The following TRIM39 variants were observed in gnomAD, a reference collection of about 807,000 sequenced individuals.
The protein encoded by TRIM39 is tripartite motif containing 39, also known as E3 ubiquitin-protein ligase TRIM39.
In TRIM39, 5 loss-of-function variants were observed where a neutral mutation model predicts 53.6. That is an observed-to-expected ratio of 0.09 (90% CI 0.05 to 0.20). The LOEUF (loss-of-function observed/expected upper bound fraction) is 0.20. Ranked by LOEUF, TRIM39 falls within the 10% of genes least tolerant of loss-of-function variation. TRIM39 has a pLI of 1.00. For synonymous variants in TRIM39, 196 were observed against 237.6 expected, an observed-to-expected ratio of 0.82 and a Z score of 1.61; for missense variants, 310 against 621.0, an observed-to-expected ratio of 0.50 and a Z score of 5.32.
In TRIM39 at chr6:30,335,899, A is replaced by T; in HGVS notation, c.704A>T (p.Asp235Val). 1.2e-6 allele frequency: 2 copies of T among 1,612,684 alleles called. No individual in the cohort carries two copies. The highest frequency in any genetic ancestry group is 1.7e-6 in the Non-Finnish European group (2 of 1,179,950). The change falls in exon 5 of 8, where the codon GAC (aspartate) becomes GTC (valine). Residue 235 changes from aspartate (D) to valine (V), a missense_variant. Around this residue, in one of 5 missense-constraint regions of TRIM39, gnomAD observed 161 missense variants for 210.0 expected, o/e 0.77. Coordinates refer to ENST00000396551, the Ensembl canonical transcript of TRIM39. This position sits in a 1 kb window ranked among gnomAD's most constrained non-coding sequence, Gnocchi z 4.7. Reference sequence around the variant, plus strand: ...CGAGAAAATGCTGCTCACCTTGGGGACAAGCGCCGGGACCTGGCCCACTTG... The same window carrying T: ...CGAGAAAATGCTGCTCACCTTGGGGTCAAGCGCCGGGACCTGGCCCACTTG...
Position 30,327,552 on chromosome 6 carries a change from G to T in TRIM39, c.-161+557G>T, listed in dbSNP as rs1459686807. ...GAGTAGAGGAAGAGGAAGGACTAAC[G>T]CAGAGGCACTCAAGGTCTCACTATG... On this transcript the variant is annotated intron_variant, in intron 1 of 7. Coordinates refer to ENST00000396551, the Ensembl canonical transcript of TRIM39. 3.3e-5 allele frequency: 5 copies of T among 152,394 alleles called. No individual in the cohort carries two copies. In the South Asian group the frequency reaches 1.0e-3, roughly 32 times the overall value. The allele number at this position is 152,394 out of a possible 1,614,324, so 9.4% of individuals were successfully genotyped here. A position where few individuals can be genotyped will look rare whatever the true frequency, so the allele number is the denominator to read the frequency against.
At position 30,335,827 on chromosome 6, in the gene TRIM39, T is replaced by C. The variant is rs1786784227; in HGVS notation, c.632T>C (p.Leu211Ser). ...CGGCTGGATGAAGAGCAGCAGGTGT[T>C]GCTTTCACGACTGGAAGAAGAGGAA... Residue 211 changes from leucine to serine, a missense_variant, in exon 5 of 8, where the codon TTG (leucine) becomes TCG (serine). Physicochemically the swap from Leu to Ser is moderately radical, Grantham distance 145. This residue lies in a region of TRIM39 where 161 missense variants were observed against 210.0 expected (regional missense o/e 0.77). Transcript: ENST00000396551. The surrounding 1 kb of genome is among the most constrained non-coding windows in gnomAD (Gnocchi z 4.7). 1 of 1,612,988 alleles carries C rather than the reference T, an allele frequency of 6.2e-7. No individual in the cohort carries two copies. The highest frequency in any genetic ancestry group is 1.3e-5 in the African/African-American group (1 of 75,014).
chr6:30,330,743 C>T, intron 3 of TRIM39, 38 bp from the exon 4 acceptor site: 1 of 1,609,586 alleles, frequency 6.2e-7, no homozygotes, highest in South Asian at 1.1e-5. Context: ...CCAGTCAACC[C>T]CAAATGTCAC....
rs1786759442 is a variant in TRIM39 at position 30,335,627 on chromosome 6, T to A, written c.550-118T>A. 6 of 1,366,612 alleles carry A rather than the reference T, an allele frequency of 4.4e-6. No individual in the cohort carries two copies. In the South Asian group the frequency reaches 7.4e-5, roughly 17 times the overall value. The allele number at this position is 1,366,612 out of a possible 1,614,324, so 84.7% of individuals were successfully genotyped here. ...CATGTGTCACCACACCCAGCCTTTG[T>A]TAAACCATTTTCAATGAAACTGGAA... On this transcript the variant is annotated intron_variant, in intron 4 of 7. Coordinates refer to ENST00000396551, the Ensembl canonical transcript of TRIM39. The surrounding 1 kb of genome is among the most constrained non-coding windows in gnomAD (Gnocchi z 4.7).
At chr6:30,329,792 G>A (rs1041906983) in intron 3 of TRIM39, 22 bp downstream of exon 3, 3 of 1,601,600 alleles carry the variant, frequency 1.9e-6, no homozygotes, top group Admixed American at 1.7e-5. Context: ...GACACACGAT[G>A]TCAGTGTGGG....
chr6:30,340,477 TC>T (rs748534915), intron 6 of TRIM39, 27 bp from the exon 7 acceptor site: 2 of 1,612,944 alleles, frequency 1.2e-6, no homozygotes, highest in Non-Finnish European at 1.7e-6. Context: ...CCCTGCCCTT[TC>T]TTCCCCTATC....
chr6:30,328,942 A>G lies in TRIM39; in HGVS notation c.-107A>G, dbSNP rs574194673. ...GTCAAACGAGGATACAGTGTCTGGA[A>G]CTATTGGTTCTAAGATATAAGTGGA... On this transcript the variant is annotated 5_prime_UTR_variant, in exon 2 of 8. Coordinates refer to ENST00000396551, the Ensembl canonical transcript of TRIM39. The G allele has an allele frequency of 1.8e-5, 4 of 216,262 alleles. No homozygotes were observed. The South Asian group carries it at 3.6e-4, about 20-fold the overall frequency. 13.4% of individuals were successfully genotyped at this position (216,262 alleles called of 1,614,324 possible). A position where few individuals can be genotyped will look rare whatever the true frequency, so the allele number is the denominator to read the frequency against.
intron 4 of TRIM39, among the ~76,000 whole-genome samples, chr6:30,332,359 A>G (rs1161615298): frequency 6.6e-6 from 1 of 152,252 alleles, no homozygotes; most frequent in African/African-American, 2.4e-5. Context: ...ATAAGAAGAC[A>G]ACATAGAAAT....
intron 6 of TRIM39, chr6:30,340,258 T>G: frequency 1.2e-6 from 2 of 1,610,600 alleles, no homozygotes; most frequent in Non-Finnish European, 1.7e-6. Context: ...ATCATCCATT[T>G]GCATGAAATA....
At position 30,338,707 on chromosome 6, in the gene TRIM39, G is replaced by C. The variant is rs1787147317; in HGVS notation, c.781-1201G>C. On this transcript the variant is annotated intron_variant, in intron 5 of 7. Transcript: ENST00000396551. This position sits in a 1 kb window ranked among gnomAD's most constrained non-coding sequence, Gnocchi z 4.0. ...TGGAAAACATGGTGCCAGTAGACTTGCTCAACACAGGTTGCCACAAACCAT... is the reference window on the plus strand; with the variant it reads ...TGGAAAACATGGTGCCAGTAGACTTCCTCAACACAGGTTGCCACAAACCAT... Among the ~76,000 whole-genome samples, 1 of 151,586 alleles carries C rather than the reference G, an allele frequency of 6.6e-6. No homozygotes were observed. Among genetic ancestry groups the C allele is most frequent in the African/African-American group, 2.4e-5 (1 of 41,196 alleles).
At position 30,335,907 on chromosome 6, in the gene TRIM39, C is replaced by A. The variant is rs1428383761; in HGVS notation, c.712C>A (p.Arg238=). Residue 238 remains arginine (R), a synonymous_variant, in exon 5 of 8, where the codon CGG becomes AGG. Transcript: ENST00000396551. The surrounding 1 kb of genome is among the most constrained non-coding windows in gnomAD (Gnocchi z 4.7). ...TGCTGCTCACCTTGGGGACAAGCGC[C>A]GGGACCTGGCCCACTTGGCTGCCGA... 2 of 1,612,866 alleles carry A rather than the reference C, an allele frequency of 1.2e-6. No individual in the cohort carries two copies. Among genetic ancestry groups the A allele is most frequent in the Non-Finnish European group, 1.7e-6 (2 of 1,180,010 alleles).
intron 3 of TRIM39, 88 bp downstream of exon 3, chr6:30,329,858 C>G (rs558690766): frequency 6.7e-7 from 1 of 1,484,362 alleles, no homozygotes; most frequent in Non-Finnish European, 9.0e-7. Flanking sequence ...ATCGTAAGCT[C>G]CTACTACTCA....
At chr6:30,340,378 G>A (rs1787363803) in intron 6 of TRIM39, 127 bp from the exon 7 acceptor site, 1 of 1,611,870 alleles carries the variant, frequency 6.2e-7, no homozygotes, top group Non-Finnish European at 8.5e-7. Flanking sequence ...TTTTCAGGGA[G>A]GAGGAAGAAA....
At position 30,339,023 on chromosome 6, in the gene TRIM39, A is replaced by C. The variant is rs1465602503; in HGVS notation, c.781-885A>C. Among the ~76,000 whole-genome samples the C allele has an allele frequency of 6.6e-6, 1 of 152,106 alleles. No homozygotes were observed. The highest frequency in any genetic ancestry group is 2.4e-5 in the African/African-American group (1 of 41,416). ...TTGGTATTTGTTCCTATGGCCTTTC[A>C]TGTATGTGTGTTCTGCCTTCCATAT... On this transcript the variant is annotated intron_variant, in intron 5 of 7. Transcript: ENST00000396551. The surrounding 1 kb of genome is among the most constrained non-coding windows in gnomAD (Gnocchi z 4.2).
chr6:30,337,901 C>CT (rs993692189), intron 5 of TRIM39, among the ~76,000 whole-genome samples: 2 of 152,220 alleles, frequency 1.3e-5, no homozygotes, highest in Admixed American at 1.3e-4. Flanking sequence ...TTGGCAAGAT[C>CT]TTCTGGATAA....
chr6:30,342,036 C>T lies in TRIM39; in HGVS notation c.1244C>T (p.Pro415Leu). 1 of 1,613,070 alleles carries T rather than the reference C, an allele frequency of 6.2e-7. No homozygotes were observed. Among genetic ancestry groups the T allele is most frequent in the Non-Finnish European group, 8.5e-7 (1 of 1,180,022 alleles). The change falls in exon 8 of 8, where the codon CCT (proline) becomes CTT (leucine). Residue 415 changes from proline to leucine, a missense_variant. Around this residue, in one of 5 missense-constraint regions of TRIM39, gnomAD observed 75 missense variants for 244.8 expected, o/e 0.31. Coordinates refer to ENST00000396551, the Ensembl canonical transcript of TRIM39. The surrounding 1 kb of genome is among the most constrained non-coding windows in gnomAD (Gnocchi z 4.7). ...GACAAATATGCAGCCACCACCACACCTTTTACCCCTTTGCACATCAAGGTG... is the reference window on the plus strand; with the variant it reads ...GACAAATATGCAGCCACCACCACACTTTTTACCCCTTTGCACATCAAGGTG...
Position 30,342,407 on chromosome 6 carries a change from G to T in TRIM39, c.*148G>T. ...ACCTTGGTTTCTAGGATGGTTTTGT[G>T]TGGAGGGGGAGGTAGGACTGGGCTG... On this transcript the variant is annotated 3_prime_UTR_variant, in exon 8 of 8. Coordinates refer to ENST00000396551, the Ensembl canonical transcript of TRIM39. The surrounding 1 kb of genome is among the most constrained non-coding windows in gnomAD (Gnocchi z 4.7). 1.2e-6 allele frequency: 1 copy of T among 814,322 alleles called. No homozygotes were observed. Among genetic ancestry groups the T allele is most frequent in the Non-Finnish European group, 1.9e-6 (1 of 518,530 alleles). 50.4% of individuals were successfully genotyped at this position (814,322 alleles called of 1,614,324 possible).
At chr6:30,337,365 G>A (rs1236170438) in intron 5 of TRIM39, among the ~76,000 whole-genome samples, 7 of 151,772 alleles carry the variant, frequency 4.6e-5, no homozygotes, top group Non-Finnish European at 1.5e-5. Context: ...AGATCATGCA[G>A]TTGCACTCCT....
chr6:30,333,627 C>T (rs1786491744), intron 4 of TRIM39, among the ~76,000 whole-genome samples: 1 of 151,904 alleles, frequency 6.6e-6, no homozygotes, highest in Non-Finnish European at 1.5e-5. Flanking sequence ...TCCCAAAGTG[C>T]TGGGATTACA....
Sources: gnomAD v4.1 joint callset for allele counts (sites outside exome capture counted in the v4.1 genomes callset) on GRCh38, gnomAD v4.1.1 for gene constraint, gnomAD v4.1.1 regional missense constraint, Gnocchi (gnomAD v3.1) non-coding constraint, MANE v1.5 for transcripts, NCBI Gene and HGNC (gene_info 2026-07-23, HGNC 2026-07-21) for gene names.